NEK11: variants seen among roughly 807,000 people sequenced by gnomAD.
The protein encoded by NEK11 is NIMA related kinase 11, also known as serine/threonine-protein kinase Nek11.
In NEK11, 72 loss-of-function variants were observed where a neutral mutation model predicts 80.7. The ratio of observed to expected loss-of-function variants is 0.89; its 90% CI spans 0.74 to 1.08. NEK11 has a LOEUF of 1.08. Ranked by LOEUF, NEK11 falls within the 50% of genes least tolerant of loss-of-function variation. The pLI is 0.00. For missense variants in NEK11, 764 were observed against 763.6 expected (o/e 1.00, Z -0.01); for synonymous variants, 251 against 260.7 (o/e 0.96, Z 0.36).
chr3:131,331,994 A>C (rs2097095314), intron 17 of NEK11, among the ~76,000 whole-genome samples: 2 of 151,942 alleles, frequency 1.3e-5, no homozygotes, highest in Non-Finnish European at 2.9e-5. Flanking sequence ...ACCACAGCTC[A>C]AGGAGGCCTG....
intron 3 of NEK11, among the ~76,000 whole-genome samples, chr3:131,044,061 T>C (rs1223445617): frequency 6.6e-6 from 1 of 151,828 alleles, no homozygotes; most frequent in Non-Finnish European, 1.5e-5. Context: ...GACAAGCAAA[T>C]ACTGAGGATT....
At chr3:131,307,407 A>T (rs1052864062) in intron 17 of NEK11, among the ~76,000 whole-genome samples, 1 of 152,244 alleles carries the variant, frequency 6.6e-6, no homozygotes, top group Non-Finnish European at 1.5e-5. Flanking sequence ...ACTCTTTGTC[A>T]AAAGGATTTG....
chr3:131,169,515 C>A (rs879434753), intron 13 of NEK11, among the ~76,000 whole-genome samples: 1 of 152,128 alleles, frequency 6.6e-6, no homozygotes, highest in Non-Finnish European at 1.5e-5. Flanking sequence ...GAAGCACCAT[C>A]GAATGTGGAA....
intron 4 of NEK11, among the ~76,000 whole-genome samples, chr3:131,099,875 C>T (rs2078101496): frequency 6.6e-6 from 1 of 152,120 alleles, no homozygotes; most frequent in African/African-American, 2.4e-5. Context: ...TTGGTGGAGT[C>T]TTTAGGGTGT....
At chr3:131,257,687 T>C (rs903161095) in intron 16 of NEK11, among the ~76,000 whole-genome samples, 3 of 152,154 alleles carry the variant, frequency 2.0e-5, no homozygotes, top group African/African-American at 7.2e-5. Flanking sequence ...ATTGTCAGGA[T>C]TCACATTCTA....
At chr3:131,162,569 T>A (rs193139334) in intron 11 of NEK11, 42 bp downstream of exon 11, 537 of 1,598,212 alleles carry the variant, frequency 3.4e-4, no homozygotes, top group Non-Finnish European at 4.3e-4. Context: ...CGGGACTACT[T>A]CTCAGGGCTC....
chr3:131,272,624 T>A (rs2108671959), intron 16 of NEK11, among the ~76,000 whole-genome samples: 1 of 151,810 alleles, frequency 6.6e-6, no homozygotes, highest in Non-Finnish European at 1.5e-5. Context: ...TACAGGCAAG[T>A]GCCACCACAC....
chr3:131,114,787 T>C (rs901635843), intron 5 of NEK11, among the ~76,000 whole-genome samples: 3 of 152,222 alleles, frequency 2.0e-5, no homozygotes, highest in Non-Finnish European at 4.4e-5. Flanking sequence ...CTGATAAATA[T>C]AGGCTTGTCT....
At chr3:131,245,301 T>TTGTGTGTGTGTGTGTGTGTGTGTATG (rs2095581451) in intron 16 of NEK11, among the ~76,000 whole-genome samples, 1 of 140,736 alleles carries the variant, frequency 7.1e-6, no homozygotes, top group African/African-American at 2.8e-5. Context: ...TAGTATTCCA[T>TTGTGTGTGTGTGTGTGTGTGTGTATG]TGTGTGTGTG....
At chr3:131,125,710 T>G (rs2083219650) in intron 5 of NEK11, among the ~76,000 whole-genome samples, 1 of 152,206 alleles carries the variant, frequency 6.6e-6, no homozygotes, top group Non-Finnish European at 1.5e-5. Flanking sequence ...CAATAATTGT[T>G]TTTTGGATTA....
intron 17 of NEK11, among the ~76,000 whole-genome samples, chr3:131,290,112 A>G (rs1430098559): frequency 6.6e-6 from 1 of 152,246 alleles, no homozygotes; most frequent in African/African-American, 2.4e-5. Flanking sequence ...TGAGACACTG[A>G]AATGTATTTT....
At chr3:131,277,836 T>C (rs537050188) in intron 17 of NEK11, among the ~76,000 whole-genome samples, 3 of 152,242 alleles carry the variant, frequency 2.0e-5, no homozygotes, top group Non-Finnish European at 4.4e-5. Context: ...GTGGGACTAA[T>C]AATGATTTTT....
At chr3:131,058,628 A>G (rs963386892) in intron 3 of NEK11, among the ~76,000 whole-genome samples, 17 of 152,168 alleles carry the variant, frequency 1.1e-4, no homozygotes, top group African/African-American at 4.1e-4. Flanking sequence ...TCATCTCTTT[A>G]TGCCTCAAGA....
At chr3:131,128,770 C>G (rs1276817831) in intron 5 of NEK11, among the ~76,000 whole-genome samples, 1 of 152,212 alleles carries the variant, frequency 6.6e-6, no homozygotes, top group Admixed American at 6.5e-5. Flanking sequence ...TGTATTCCCA[C>G]TAGCAGCGAA....
intron 17 of NEK11, among the ~76,000 whole-genome samples, chr3:131,313,283 C>T (rs773741242): frequency 6.6e-6 from 1 of 152,134 alleles, no homozygotes; most frequent in Non-Finnish European, 1.5e-5. Flanking sequence ...AGTGAATATA[C>T]ACATGCATGT....
intron 17 of NEK11, among the ~76,000 whole-genome samples, chr3:131,318,735 A>ACG: frequency 8.0e-6 from 1 of 124,262 alleles, no homozygotes; most frequent in East Asian, 2.4e-4. Context: ...GCGTGTGTAC[A>ACG]TGTGTATATA....
intron 17 of NEK11, among the ~76,000 whole-genome samples, chr3:131,298,699 G>A (rs975299809): frequency 4.6e-5 from 7 of 151,870 alleles, no homozygotes; most frequent in Admixed American, 2.6e-4. Context: ...GGTGGTGGTG[G>A]TGGTGGTGGT....
intron 14 of NEK11, among the ~76,000 whole-genome samples, chr3:131,195,793 AATATATATATAT>A (rs58272752): frequency 1.6e-4 from 21 of 133,892 alleles, no homozygotes; most frequent in Admixed American, 5.1e-4. Context: ...TATATTTCAG[AATATATATATAT>A]ATATATATAT....
At chr3:131,270,240 C>A (rs1010487654) in intron 16 of NEK11, among the ~76,000 whole-genome samples, 4 of 152,160 alleles carry the variant, frequency 2.6e-5, no homozygotes, top group African/African-American at 9.7e-5. Flanking sequence ...GTTTCTTGAA[C>A]AAGGATTTCT....
Sources: gnomAD v4.1 joint callset for allele counts (sites outside exome capture counted in the v4.1 genomes callset) on GRCh38, gnomAD v4.1.1 for gene constraint, MANE v1.5 for transcripts, NCBI Gene and HGNC (gene_info 2026-07-23, HGNC 2026-07-21) for gene names.